PSMA1: variants seen among roughly 807,000 people sequenced by gnomAD.
PSMA1 encodes proteasome subunit alpha type-1.
PSMA1 carries 3 observed loss-of-function variants against 38.4 expected under a neutral mutation model. The observed-to-expected ratio is 0.08, with a 90% CI of 0.04 to 0.20. The LOEUF is 0.20. PSMA1 is among the 10% of genes least tolerant of loss of function. The probability of loss-of-function intolerance (pLI) is 1.00; values close to 1 mark genes in which losing one functional copy is unlikely to be tolerated. For synonymous variants in PSMA1, 101 were observed against 107.1 expected, an observed-to-expected ratio of 0.94 and a Z score of 0.35; for missense variants, 227 against 325.3, an observed-to-expected ratio of 0.70 and a Z score of 2.32.
At chr11:14,526,002 T>G (rs1406790959) in intron 2 of PSMA1, among the ~76,000 whole-genome samples, 3 of 152,188 alleles carry the variant, frequency 2.0e-5, no homozygotes, top group Non-Finnish European at 4.4e-5. Flanking sequence ...CTCCAAAGGA[T>G]ATCGGGTATC....
At chr11:14,610,908 T>C in intron 2 of PSMA1, 15 of 1,559,876 alleles carry the variant, frequency 9.6e-6, no homozygotes, top group Non-Finnish European at 1.2e-5. Flanking sequence ...GGGGCTCACA[T>C]AGTGAGATGT....
At chr11:14,631,824 G>A (rs561139743) in intron 1 of PSMA1, among the ~76,000 whole-genome samples, 3 of 151,476 alleles carry the variant, frequency 2.0e-5, no homozygotes, top group South Asian at 4.2e-4. Context: ...GGTCACTCAG[G>A]ACTTGCTTTA....
intron 9 of PSMA1, among the ~76,000 whole-genome samples, chr11:14,505,525 A>AT (rs1354956232): frequency 1.3e-5 from 2 of 149,804 alleles, no homozygotes; most frequent in African/African-American, 2.4e-5. Context: ...TTATATGCAG[A>AT]TTTCTTTTTC....
At chr11:14,507,537 C>T in intron 9 of PSMA1, 119 bp downstream of exon 9, 2 of 709,728 alleles carry the variant, frequency 2.8e-6, no homozygotes, top group Non-Finnish European at 4.9e-6. Context: ...TTTCCTGTTG[C>T]CATTTGAATT....
At chr11:14,580,078 G>A (rs1298031549) in intron 2 of PSMA1, among the ~76,000 whole-genome samples, 4 of 152,186 alleles carry the variant, frequency 2.6e-5, no homozygotes, top group Non-Finnish European at 4.4e-5. Context: ...ACAAGAGAGC[G>A]ACACTGTTGC....
chr11:14,546,484 C>T (rs970674695), intron 2 of PSMA1, among the ~76,000 whole-genome samples: 8 of 152,096 alleles, frequency 5.3e-5, no homozygotes, highest in African/African-American at 1.9e-4. Context: ...GTTGCCCAGG[C>T]TGGAGTACAA....
intron 2 of PSMA1, among the ~76,000 whole-genome samples, chr11:14,526,824 G>T (rs1401593843): frequency 6.6e-6 from 1 of 152,040 alleles, no homozygotes; most frequent in Non-Finnish European, 1.5e-5. Context: ...ATTGATGGCA[G>T]TTCCACCAGG....
chr11:14,577,218 C>G (rs1852228947), intron 2 of PSMA1, among the ~76,000 whole-genome samples: 1 of 152,076 alleles, frequency 6.6e-6, no homozygotes, highest in African/African-American at 2.4e-5. Flanking sequence ...CATGAAAGCC[C>G]TATAAGATAG....
intron 2 of PSMA1, among the ~76,000 whole-genome samples, chr11:14,589,009 G>A (rs541772302): frequency 1.1e-4 from 16 of 151,952 alleles, no homozygotes; most frequent in Middle Eastern, 6.8e-3. Context: ...CCTCCTTTAG[G>A]CATTCACCCT....
chr11:14,584,507 GTTT>G (rs58620375), intron 2 of PSMA1, among the ~76,000 whole-genome samples: 1 of 124,774 alleles, frequency 8.0e-6, no homozygotes, highest in Non-Finnish European at 1.7e-5. Flanking sequence ...TTTGTTTTTT[GTTT>G]TTTTTTTTTT....
chr11:14,540,425 C>T (rs1851761041), intron 2 of PSMA1, among the ~76,000 whole-genome samples: 1 of 152,128 alleles, frequency 6.6e-6, no homozygotes, highest in South Asian at 2.1e-4. Context: ...GCTTATGGTT[C>T]AGCGCACACT....
chr11:14,596,260 A>AT (rs886269515), intron 2 of PSMA1, among the ~76,000 whole-genome samples: 1 of 151,962 alleles, frequency 6.6e-6, no homozygotes, highest in Non-Finnish European at 1.5e-5. Flanking sequence ...CTTTAAAGTA[A>AT]TTTTTTCCAA....
chr11:14,536,251 G>A (rs1228110996), intron 2 of PSMA1, among the ~76,000 whole-genome samples: 2 of 152,168 alleles, frequency 1.3e-5, no homozygotes, highest in Non-Finnish European at 2.9e-5. Context: ...CTTAGGCCGC[G>A]CGAGGTGGCT....
Position 14,505,244 on chromosome 11 carries a change from G to A in PSMA1, c.740C>T (p.Ala247Val). ...EERPQRKAQP[A>V]QPADEPAEKA... is the part of the protein sequence containing the mutation. ...TTCTGCAGGTTCATCAGCAGGTTGA[G>A]CAGGCTTAACAGGGAAAGAAAAAAA... The change falls in exon 10 of 10, where the codon GCT becomes GTT. Residue 247 changes from alanine (A) to valine (V), a missense_variant. Ala to Val is a moderately conservative substitution (Grantham distance 64, BLOSUM62 0). Transcript: ENST00000396394. 6 of 1,613,548 alleles carry A rather than the reference G, an allele frequency of 3.7e-6. No homozygotes were observed. In the East Asian group the frequency reaches 8.9e-5, roughly 24 times the overall value.
intron 2 of PSMA1, among the ~76,000 whole-genome samples, chr11:14,531,929 G>A (rs562932689): frequency 3.4e-4 from 52 of 152,150 alleles, no homozygotes; most frequent in Middle Eastern, 6.8e-3. Context: ...ACCTTCTCCC[G>A]CTCCATGTTG....
intron 2 of PSMA1, among the ~76,000 whole-genome samples, chr11:14,590,846 C>CA (rs1852405326): frequency 6.6e-6 from 1 of 152,234 alleles, no homozygotes; most frequent in South Asian, 2.1e-4. Context: ...CACAATTAGG[C>CA]AATGGTTACC....
intron 1 of PSMA1, among the ~76,000 whole-genome samples, chr11:14,621,863 G>A (rs1165416704): frequency 2.6e-5 from 4 of 152,104 alleles, no homozygotes; most frequent in Non-Finnish European, 5.9e-5. Context: ...CTGCGGCCTG[G>A]AAAAATACAA....
intron 2 of PSMA1, among the ~76,000 whole-genome samples, chr11:14,562,278 G>C (rs1852018141): frequency 6.6e-6 from 1 of 152,200 alleles, no homozygotes; most frequent in Non-Finnish European, 1.5e-5. Context: ...GCTGTTCTCT[G>C]TTACTGTCAT....
intron 2 of PSMA1, among the ~76,000 whole-genome samples, chr11:14,607,086 C>A (rs1175871010): frequency 6.6e-6 from 1 of 152,194 alleles, no homozygotes; most frequent in East Asian, 1.9e-4. Flanking sequence ...TTGTAAAATT[C>A]TTCTTCCAAA....
Sources: gnomAD v4.1 joint callset for allele counts (sites outside exome capture counted in the v4.1 genomes callset) on GRCh38, gnomAD v4.1.1 for gene constraint, MANE v1.5 for transcripts, NCBI Gene and HGNC (gene_info 2026-07-23, HGNC 2026-07-21) for gene names.